The following ADAM12 variants were observed in gnomAD, a reference collection of about 807,000 sequenced individuals.
The protein encoded by ADAM12 is disintegrin and metalloproteinase domain-containing protein 12.
A neutral mutation model predicts 106.4 loss-of-function variants in ADAM12; 70 were observed. That is an observed-to-expected ratio of 0.66 (90% CI 0.54 to 0.80). The LOEUF (loss-of-function observed/expected upper bound fraction) is 0.80. ADAM12 is among the 30% of genes least tolerant of loss of function. ADAM12 has a pLI of 0.00. For synonymous variants in ADAM12, 420 were observed against 433.5 expected, an observed-to-expected ratio of 0.97 and a Z score of 0.39; for missense variants, 1,010 against 1,171.9, an observed-to-expected ratio of 0.86 and a Z score of 2.02.
rs528913667 is a variant in ADAM12, at chr10:126,064,181, G to C, written c.1609+625C>G. 6.6e-6 allele frequency among the ~76,000 whole-genome samples: 1 copy of C among 152,256 alleles called. No homozygotes were observed. The highest frequency in any genetic ancestry group is 2.4e-5 in the African/African-American group (1 of 41,548). On this transcript the variant is annotated intron_variant, in intron 14 of 22. Transcript: ENST00000448723. This position sits in a 1 kb window ranked among gnomAD's most constrained non-coding sequence, Gnocchi z 4.4. ...TGAACTGGTGAAATGGTGAACTGAT[G>C]GTCTCTTGTTTGACGCAACCACCCC... is the stretch of plus-strand genomic sequence containing the variant.
intron 13 of ADAM12, 29 bp from the exon 14 acceptor site, chr10:126,065,030 T>C (rs375438918): frequency 6.9e-5 from 109 of 1,585,074 alleles, no homozygotes; most frequent in Non-Finnish European, 8.8e-5. Context: ...TTATGACACA[T>C]GCACCCGGGG....
At chr10:126,130,067 ACCCCAGCTTCC>A (rs1433556521) in intron 5 of ADAM12, among the ~76,000 whole-genome samples, 1 of 152,036 alleles carries the variant, frequency 6.6e-6, no homozygotes, top group African/African-American at 2.4e-5. Context: ...CTTCTAGGAC[ACCCCAGCTTCC>A]CTCCAGGTTC....
intron 21 of ADAM12, among the ~76,000 whole-genome samples, chr10:126,029,839 C>T (rs950391629): frequency 1.3e-5 from 2 of 152,166 alleles, no homozygotes; most frequent in Non-Finnish European, 2.9e-5. Flanking sequence ...TTTAACCTAT[C>T]GATTGGCAAA....
In ADAM12 at chr10:126,053,184, G is replaced by A. The variant is rs1954548192; in HGVS notation, c.1610-3515C>T. Among the ~76,000 whole-genome samples, 2 of 152,140 alleles carry A rather than the reference G, an allele frequency of 1.3e-5. No individual in the cohort carries two copies. On this transcript the variant is annotated intron_variant, in intron 14 of 22. Coordinates refer to ENST00000448723, the MANE Select transcript of ADAM12 (RefSeq NM_001288973.2). This position sits in a 1 kb window ranked among gnomAD's most constrained non-coding sequence, Gnocchi z 4.6. ...CCTTCACCTTCTGCCATGATTGGAA[G>A]CTTTCTGAGGCCTCCCCAGAAGCAG...
intron 2 of ADAM12, among the ~76,000 whole-genome samples, chr10:126,311,137 A>ACACACACACC (rs1491391781): frequency 4.1e-5 from 6 of 145,882 alleles, no homozygotes; most frequent in South Asian, 2.2e-4. Context: ...ACACACACAC[A>ACACACACACC]CCTGCACGCA....
At chr10:126,224,645 G>A (rs1220083660) in intron 3 of ADAM12, among the ~76,000 whole-genome samples, 3 of 152,194 alleles carry the variant, frequency 2.0e-5, no homozygotes, top group Admixed American at 1.3e-4. Context: ...TCTTTAGCCC[G>A]TGGCTTCACC....
intron 2 of ADAM12, among the ~76,000 whole-genome samples, chr10:126,318,610 A>G (rs1252191619): frequency 2.0e-5 from 3 of 152,140 alleles, no homozygotes; most frequent in Non-Finnish European, 1.5e-5. Flanking sequence ...ACCTTCACAC[A>G]TGCATCCATG....
intron 11 of ADAM12, among the ~76,000 whole-genome samples, chr10:126,073,197 T>C (rs1955033066): frequency 6.6e-6 from 1 of 152,180 alleles, no homozygotes; most frequent in African/African-American, 2.4e-5. Context: ...CAAGTAACTC[T>C]CCTGCCTCAG....
At chr10:126,176,037 C>T (rs13377179) in intron 3 of ADAM12, among the ~76,000 whole-genome samples, 20,338 of 152,130 alleles carry the variant, frequency 0.13, 1,559 homozygotes, top group East Asian at 0.34. Flanking sequence ...TCGCCCTCAC[C>T]CTGCACACCA....
intron 3 of ADAM12, among the ~76,000 whole-genome samples, chr10:126,202,779 G>A (rs535912066): frequency 1.4e-4 from 21 of 152,196 alleles, no homozygotes; most frequent in Non-Finnish European, 2.4e-4. Flanking sequence ...GAACTCAAGT[G>A]GCTTCAAGTT....
chr10:126,013,250 G>A lies in ADAM12; in HGVS notation c.*4029C>T, dbSNP rs1292332356. On this transcript the variant is annotated 3_prime_UTR_variant, in exon 23 of 23. Transcript: ENST00000448723. This position sits in a 1 kb window ranked among gnomAD's most constrained non-coding sequence, Gnocchi z 4.3. Reference sequence around the variant, plus strand: ...AAATGGCACATTCACATGTAGGTAAGTAGCTTCTGGAAACATCCTCACTGC... The same window carrying A: ...AAATGGCACATTCACATGTAGGTAAATAGCTTCTGGAAACATCCTCACTGC... The A allele has an allele frequency of 6.6e-6, 1 of 152,214 alleles. No individual in the cohort carries two copies. Among genetic ancestry groups the A allele is most frequent in the Non-Finnish European group, 1.5e-5 (1 of 68,034 alleles). The allele number at this position is 152,214 out of a possible 1,614,324, so 9.4% of individuals were successfully genotyped here.
At chr10:126,301,197 C>T (rs11244942) in intron 2 of ADAM12, among the ~76,000 whole-genome samples, 23,884 of 152,192 alleles carry the variant, frequency 0.16, 2,079 homozygotes, top group Admixed American at 0.23. Flanking sequence ...ACAGTGTCAT[C>T]GCTAAGAAAC....
chr10:126,078,667 A>G (rs543206254), intron 11 of ADAM12, among the ~76,000 whole-genome samples: 27 of 152,150 alleles, frequency 1.8e-4, no homozygotes, highest in African/African-American at 2.4e-5. Context: ...GCTAGGTGAT[A>G]TGGTGGTGCT....
intron 1 of ADAM12, among the ~76,000 whole-genome samples, chr10:126,356,525 CAGAAG>C (rs1316717832): frequency 6.6e-6 from 1 of 152,146 alleles, no homozygotes; most frequent in Non-Finnish European, 1.5e-5. Flanking sequence ...CTGTAACATC[CAGAAG>C]AGGTGACTGT....
intron 2 of ADAM12, among the ~76,000 whole-genome samples, chr10:126,318,504 TC>T (rs1853969166): frequency 7.0e-6 from 1 of 143,148 alleles, no homozygotes; most frequent in African/African-American, 2.6e-5. Flanking sequence ...AGAGCCACAC[TC>T]TCTCACACAC....
At chr10:126,215,766 A>G (rs1233263656) in intron 3 of ADAM12, among the ~76,000 whole-genome samples, 1 of 152,222 alleles carries the variant, frequency 6.6e-6, no homozygotes. Context: ...TACCAGTGAC[A>G]GTAAATTGTG....
intron 3 of ADAM12, among the ~76,000 whole-genome samples, chr10:126,268,429 C>T (rs1248690933): frequency 2.0e-5 from 3 of 152,094 alleles, no homozygotes; most frequent in Non-Finnish European, 4.4e-5. Flanking sequence ...GCCGCTGCCA[C>T]GAATGTGGGT....
At chr10:126,311,132 CACACA>C (rs1961076498) in intron 2 of ADAM12, among the ~76,000 whole-genome samples, 1 of 149,424 alleles carries the variant, frequency 6.7e-6, no homozygotes, top group African/African-American at 2.5e-5. Context: ...CACACACACA[CACACA>C]CCTGCACGCA....
At chr10:126,287,799 T>G (rs1959942631) in intron 2 of ADAM12, among the ~76,000 whole-genome samples, 1 of 152,054 alleles carries the variant, frequency 6.6e-6, no homozygotes, top group East Asian at 1.9e-4. Context: ...CTGTTCTGTC[T>G]CTTCCTAGCA....
Sources: allele counts gnomAD v4.1 joint callset (sites outside exome capture counted in the v4.1 genomes callset), GRCh38; gene constraint gnomAD v4.1.1; non-coding constraint Gnocchi (gnomAD v3.1); transcripts MANE v1.5; gene names NCBI Gene and HGNC (gene_info 2026-07-23, HGNC 2026-07-21).